The following UBE2R2 variants were observed in gnomAD, a reference collection of about 807,000 sequenced individuals.
The protein encoded by UBE2R2 is ubiquitin-conjugating enzyme E2 R2.
In UBE2R2, 1 loss-of-function variant was observed where a neutral mutation model predicts 27.8. The ratio of observed to expected loss-of-function variants is 0.04; its 90% CI spans 0.01 to 0.17. The LOEUF is 0.17. UBE2R2 is among the 10% of genes least tolerant of loss of function. The probability of loss-of-function intolerance (pLI) is 1.00; values close to 1 mark genes in which losing one functional copy is unlikely to be tolerated. For missense variants in UBE2R2, 100 were observed against 291.0 expected (o/e 0.34, Z 4.78); for synonymous variants, 106 against 113.3 (o/e 0.94, Z 0.41).
At chr9:33,869,423 TTTTATTTATTTATTTA>T (rs78245446) in intron 1 of UBE2R2, among the ~76,000 whole-genome samples, 25 of 146,630 alleles carry the variant, frequency 1.7e-4, no homozygotes, top group African/African-American at 3.8e-4. Context: ...ATATACAATG[TTTTATTTATTTATTTA>T]TTTATTTATT....
At chr9:33,883,730 AAG>A (rs1491077477) in intron 1 of UBE2R2, among the ~76,000 whole-genome samples, 6 of 149,950 alleles carry the variant, frequency 4.0e-5, no homozygotes, top group African/African-American at 1.0e-4. Flanking sequence ...AAAAAAAAAA[AAG>A]AAATAAAAAA....
intron 1 of UBE2R2, among the ~76,000 whole-genome samples, chr9:33,861,964 C>T (rs1006847357): frequency 6.6e-6 from 1 of 150,956 alleles, no homozygotes; most frequent in Non-Finnish European, 1.5e-5. Context: ...AGTGATTCTC[C>T]TGCCTCAGCC....
intron 2 of UBE2R2, among the ~76,000 whole-genome samples, chr9:33,899,732 C>G (rs1396697045): frequency 1.3e-5 from 2 of 151,834 alleles, no homozygotes; most frequent in Non-Finnish European, 2.9e-5. Flanking sequence ...CTCCTGACCT[C>G]AGGTGGTCCA....
chr9:33,844,205 C>CAT (rs35127375), intron 1 of UBE2R2, among the ~76,000 whole-genome samples: 40,245 of 152,018 alleles, frequency 0.26, 5,498 homozygotes, highest in South Asian at 0.41. Context: ...TCCACACACA[C>CAT]ATATATATAA....
At chr9:33,833,745 C>G (rs1165866282) in intron 1 of UBE2R2, among the ~76,000 whole-genome samples, 1 of 152,148 alleles carries the variant, frequency 6.6e-6, no homozygotes, top group African/African-American at 2.4e-5. Flanking sequence ...ATTTTCTAAA[C>G]TTTTTCTTCA....
At position 33,817,895 on chromosome 9, in the gene UBE2R2, C is replaced by T. The variant is rs764023868; in HGVS notation, c.138C>T (p.Phe46=). Reference sequence around the variant, plus strand: ...TCTACAACTGGGAGGTGGCCATCTTCGGACCCCCCAACACCCTCTACGAAG... The same window carrying T: ...TCTACAACTGGGAGGTGGCCATCTTTGGACCCCCCAACACCCTCTACGAAG... ...SDLYNWEVAI[F]GPPNTLYEGG... is the part of the protein sequence containing the mutation. The change falls in exon 1 of 5, where the codon TTC becomes TTT. Residue 46 remains phenylalanine (F), a synonymous_variant. Coordinates refer to ENST00000263228, the MANE Select transcript of UBE2R2 (RefSeq NM_017811.4). 1.4e-5 allele frequency: 23 copies of T among 1,611,942 alleles called. No individual in the cohort carries two copies. In the East Asian group the frequency reaches 4.7e-4, roughly 33 times the overall value.
intron 3 of UBE2R2, among the ~76,000 whole-genome samples, chr9:33,907,530 T>C (rs929540192): frequency 1.3e-5 from 2 of 152,120 alleles, no homozygotes; most frequent in Non-Finnish European, 2.9e-5. Context: ...TTGTAATAAA[T>C]GTTAAACATG....
intron 1 of UBE2R2, among the ~76,000 whole-genome samples, chr9:33,837,964 T>C (rs2130735517): frequency 6.6e-6 from 1 of 152,320 alleles, no homozygotes; most frequent in East Asian, 1.9e-4. Context: ...TATATAGAAG[T>C]ATACATAGTT....
intron 1 of UBE2R2, among the ~76,000 whole-genome samples, chr9:33,877,848 T>TCC (rs1380650940): frequency 4.6e-5 from 7 of 151,462 alleles, no homozygotes; most frequent in East Asian, 1.9e-4. Context: ...TCTCTCTCTC[T>TCC]CCCACTCTCC....
chr9:33,821,365 C>G (rs922387195), intron 1 of UBE2R2, among the ~76,000 whole-genome samples: 2 of 151,996 alleles, frequency 1.3e-5, no homozygotes, highest in Non-Finnish European at 2.9e-5. Flanking sequence ...ACTATTTTGT[C>G]CAGGCTGGTC....
chr9:33,896,966 TG>T (rs1334506408), intron 2 of UBE2R2, among the ~76,000 whole-genome samples: 2 of 150,012 alleles, frequency 1.3e-5, no homozygotes, highest in Non-Finnish European at 3.0e-5. Flanking sequence ...TTTTTTTTGT[TG>T]TTTGTTTTTT....
intron 1 of UBE2R2, among the ~76,000 whole-genome samples, chr9:33,842,087 C>T (rs1384367130): frequency 6.6e-6 from 1 of 152,010 alleles, no homozygotes; most frequent in Admixed American, 6.6e-5. Flanking sequence ...TTTTTGCAGG[C>T]CCGGAGGCAA....
At chr9:33,892,883 C>T (rs2130802106) in intron 2 of UBE2R2, among the ~76,000 whole-genome samples, 1 of 151,776 alleles carries the variant, frequency 6.6e-6, no homozygotes, top group East Asian at 1.9e-4. Flanking sequence ...TTTAGAATCC[C>T]CATTCTAGAG....
At chr9:33,821,575 G>A (rs561080799) in intron 1 of UBE2R2, among the ~76,000 whole-genome samples, 1 of 152,040 alleles carries the variant, frequency 6.6e-6, no homozygotes, top group South Asian at 2.1e-4. Flanking sequence ...AGTGAGTCTA[G>A]AGCCAGAAAG....
intron 1 of UBE2R2, among the ~76,000 whole-genome samples, chr9:33,835,151 T>TTG (rs1554671398): frequency 6.7e-6 from 1 of 148,594 alleles, no homozygotes; most frequent in Non-Finnish European, 1.5e-5. Flanking sequence ...GTAGGTTTTT[T>TTG]TTTTTTTTTT....
intron 4 of UBE2R2, among the ~76,000 whole-genome samples, chr9:33,913,300 G>A (rs1822536687): frequency 6.6e-6 from 1 of 152,164 alleles, no homozygotes; most frequent in Admixed American, 6.5e-5. Context: ...GTCTTACTCT[G>A]TTGCCTGGGC....
chr9:33,830,745 G>A (rs1820453404), intron 1 of UBE2R2, among the ~76,000 whole-genome samples: 1 of 150,820 alleles, frequency 6.6e-6, no homozygotes, highest in Non-Finnish European at 1.5e-5. Flanking sequence ...CCAGCCTGGG[G>A]GACACAGCAA....
At position 33,845,995 on chromosome 9, in the gene UBE2R2, G is replaced by A. The variant is rs925966722; in HGVS notation, c.177+28061G>A. Among the ~76,000 whole-genome samples, 5 of 152,058 alleles carry A rather than the reference G, an allele frequency of 3.3e-5. No homozygotes were observed. The South Asian group carries it at 6.2e-4, about 19-fold the overall frequency. On this transcript the variant is annotated intron_variant, in intron 1 of 4. Transcript: ENST00000263228. ...AATACAAAAAATTAGGCAAGGTGGCGGGTACCTGTAGTTCCAGCTACTCGG... is the reference window on the plus strand; with the variant it reads ...AATACAAAAAATTAGGCAAGGTGGCAGGTACCTGTAGTTCCAGCTACTCGG...
At chr9:33,854,241 G>A (rs527358404) in intron 1 of UBE2R2, among the ~76,000 whole-genome samples, 1 of 152,094 alleles carries the variant, frequency 6.6e-6, no homozygotes, top group East Asian at 1.9e-4. Flanking sequence ...CTTGCTTTAT[G>A]GCTGTAAACG....
Sources: gnomAD v4.1 joint callset for allele counts (sites outside exome capture counted in the v4.1 genomes callset) on GRCh38, gnomAD v4.1.1 for gene constraint, MANE v1.5 for transcripts, NCBI Gene and HGNC (gene_info 2026-07-23, HGNC 2026-07-21) for gene names.